The following PPP1R13B variants were observed in gnomAD, a reference collection of about 807,000 sequenced individuals.
PPP1R13B encodes apoptosis-stimulating of p53 protein 1.
A neutral mutation model predicts 119.8 loss-of-function variants in PPP1R13B; 44 were observed. The observed-to-expected ratio is 0.37, with a 90% CI of 0.29 to 0.47. PPP1R13B has a LOEUF of 0.47. PPP1R13B is among the 20% of genes least tolerant of loss of function. The pLI is 0.99. For synonymous variants in PPP1R13B, 542 were observed against 561.5 expected, an observed-to-expected ratio of 0.97 and a Z score of 0.49; for missense variants, 1,227 against 1,413.5, an observed-to-expected ratio of 0.87 and a Z score of 2.12.
intron 2 of PPP1R13B, among the ~76,000 whole-genome samples, chr14:103,788,887 C>A (rs747887895): frequency 6.6e-6 from 1 of 152,086 alleles, no homozygotes; most frequent in Non-Finnish European, 1.5e-5. Flanking sequence ...GGTCTCTCAG[C>A]CCTGAATGGC....
rs963258597 is a variant in PPP1R13B, at chr14:103,738,529, C to T, written c.2864+150G>A. On this transcript the variant is annotated intron_variant, in intron 14 of 16. Coordinates refer to ENST00000202556, the MANE Select transcript of PPP1R13B (RefSeq NM_015316.3). This position sits in a 1 kb window ranked among gnomAD's most constrained non-coding sequence, Gnocchi z 5.6. Reference sequence around the variant, plus strand: ...GGCTGGAAAAAAAGGCAAGGAAACCCTGGCAACAGCTGTCTTTCAAGGATG... The same window carrying T: ...GGCTGGAAAAAAAGGCAAGGAAACCTTGGCAACAGCTGTCTTTCAAGGATG... The T allele has an allele frequency of 2.4e-6, 3 of 1,265,908 alleles. No individual in the cohort carries two copies. The highest frequency in any genetic ancestry group is 3.2e-6 in the Non-Finnish European group (3 of 925,830). 78.4% of individuals were successfully genotyped at this position (1,265,908 alleles called of 1,614,324 possible). A position where few individuals can be genotyped will look rare whatever the true frequency, so the allele number is the denominator to read the frequency against.
At chr14:103,781,033 G>C (rs997162377) in intron 3 of PPP1R13B, among the ~76,000 whole-genome samples, 8 of 151,936 alleles carry the variant, frequency 5.3e-5, no homozygotes, top group Non-Finnish European at 8.8e-5. Context: ...CAGCTCCTGG[G>C]CTCATGCAAT....
chr14:103,796,563 A>G (rs2085762215), intron 2 of PPP1R13B, among the ~76,000 whole-genome samples: 1 of 152,218 alleles, frequency 6.6e-6, no homozygotes, highest in South Asian at 2.1e-4. Context: ...ATTAGAAAAC[A>G]GTCTGGTGGT....
upstream of PPP1R13B, chr14:103,848,551 C>T: frequency 2.1e-6 from 2 of 941,298 alleles, no homozygotes; most frequent in Non-Finnish European, 2.5e-6. Flanking sequence ...GCGGCAGCAC[C>T]GAACTCCCAC....
rs2087045286 is a variant in PPP1R13B, at chr14:103,846,686, T to G, written c.9+613A>C. On this transcript the variant is annotated intron_variant, in intron 1 of 16. Coordinates refer to ENST00000202556, the MANE Select transcript of PPP1R13B (RefSeq NM_015316.3). ...AATGTCTTTCTAGGCGAAAGCATCC[T>G]TAAGGGCAGGACAAAGACACCACCA... The G allele has an allele frequency of 6.6e-6, 3 of 454,876 alleles. No individual in the cohort carries two copies. In the Admixed American group the frequency reaches 7.1e-5, roughly 11 times the overall value. 28.2% of individuals were successfully genotyped at this position (454,876 alleles called of 1,614,324 possible).
At chr14:103,846,639 G>A in intron 1 of PPP1R13B, 1 of 428,246 alleles carries the variant, frequency 2.3e-6, no homozygotes, top group Non-Finnish European at 4.7e-6. Flanking sequence ...GGGTCGGTAG[G>A]ACGATGGCAA....
chr14:103,839,364 C>G (rs576168563), intron 1 of PPP1R13B, among the ~76,000 whole-genome samples: 2 of 151,928 alleles, frequency 1.3e-5, no homozygotes, highest in African/African-American at 4.8e-5. Context: ...CAGTGGCTCA[C>G]GCCTGTTAAC....
intron 1 of PPP1R13B, among the ~76,000 whole-genome samples, chr14:103,812,194 G>T (rs2086175874): frequency 7.3e-6 from 1 of 136,896 alleles, no homozygotes; most frequent in East Asian, 2.4e-4. Flanking sequence ...CGCAATCTCA[G>T]CTCACTGTGA....
intron 2 of PPP1R13B, among the ~76,000 whole-genome samples, chr14:103,790,462 T>C (rs1471252864): frequency 4.6e-5 from 7 of 152,056 alleles, no homozygotes; most frequent in African/African-American, 1.7e-4. Context: ...AGCTCTATCT[T>C]CATAAATGGG....
intron 2 of PPP1R13B, among the ~76,000 whole-genome samples, chr14:103,792,466 C>T (rs989656494): frequency 3.3e-4 from 50 of 152,240 alleles, no homozygotes; most frequent in African/African-American, 1.2e-3. Flanking sequence ...TGAGCTACTG[C>T]ACCTGGCAAA....
chr14:103,819,040 C>A (rs2086343215), intron 1 of PPP1R13B, among the ~76,000 whole-genome samples: 1 of 152,044 alleles, frequency 6.6e-6, no homozygotes, highest in African/African-American at 2.4e-5. Flanking sequence ...AAAGGATGAG[C>A]CATAATGACA....
upstream of PPP1R13B, chr14:103,847,639 C>T: frequency 1.0e-6 from 1 of 984,630 alleles, no homozygotes; most frequent in Non-Finnish European, 1.2e-6. Context: ...CGACGCCCCG[C>T]ACGGGTCCCG....
At chr14:103,763,878 T>A (rs1336941483) in intron 4 of PPP1R13B, 1 of 152,252 alleles carries the variant, frequency 6.6e-6, no homozygotes, top group Non-Finnish European at 1.5e-5. Flanking sequence ...TCCGGACGCT[T>A]CATATAAGTG....
chr14:103,820,157 ACG>A (rs1424082137), intron 1 of PPP1R13B, among the ~76,000 whole-genome samples: 1 of 152,132 alleles, frequency 6.6e-6, no homozygotes, highest in Non-Finnish European at 1.5e-5. Flanking sequence ...CTAGGGAGGG[ACG>A]CGTGAGAAGC....
At chr14:103,749,715 T>C (rs1048538078) in intron 8 of PPP1R13B, 79 bp downstream of exon 8, 2 of 1,399,646 alleles carry the variant, frequency 1.4e-6, no homozygotes, top group Non-Finnish European at 2.0e-6. Flanking sequence ...TGGGGGAGCA[T>C]ACTGCTACTT....
intron 1 of PPP1R13B, among the ~76,000 whole-genome samples, chr14:103,838,209 G>A (rs1039185172): frequency 9.4e-6 from 1 of 106,184 alleles, no homozygotes; most frequent in African/African-American, 4.8e-5. Context: ...ACTCTGTTAT[G>A]GCACACACAC....
At chr14:103,832,779 C>A (rs889272680) in intron 1 of PPP1R13B, among the ~76,000 whole-genome samples, 2 of 152,096 alleles carry the variant, frequency 1.3e-5, no homozygotes. Context: ...GGTCAGAGTT[C>A]GAGACCAGCC....
Position 103,738,827 on chromosome 14 carries a change from C to T in PPP1R13B, c.2731-15G>A. 1 of 1,613,872 alleles carries T rather than the reference C, an allele frequency of 6.2e-7. No homozygotes were observed. Among genetic ancestry groups the T allele is most frequent in the Non-Finnish European group, 8.5e-7 (1 of 1,179,838 alleles). On this transcript the variant is annotated splice_polypyrimidine_tract_variant and intron_variant, in intron 13 of 16. Coordinates refer to ENST00000202556, the MANE Select transcript of PPP1R13B (RefSeq NM_015316.3). The surrounding 1 kb of genome is among the most constrained non-coding windows in gnomAD (Gnocchi z 5.6). ...GGATCTTCCACCTAGGACACACGGC[C>T]TGTGAGCGCCCATCCCCTCGCCCCC...
chr14:103,770,189 G>A (rs536775893), intron 4 of PPP1R13B, among the ~76,000 whole-genome samples: 5 of 150,324 alleles, frequency 3.3e-5, no homozygotes, highest in Admixed American at 6.6e-5. Flanking sequence ...CACCACGCCC[G>A]GCCCAATATG....
Sources: gnomAD v4.1 joint callset for allele counts (sites outside exome capture counted in the v4.1 genomes callset) on GRCh38, gnomAD v4.1.1 for gene constraint, Gnocchi (gnomAD v3.1) non-coding constraint, MANE v1.5 for transcripts, NCBI Gene and HGNC (gene_info 2026-07-23, HGNC 2026-07-21) for gene names.